The following AGXT2 variants were observed in gnomAD, a reference collection of about 807,000 sequenced individuals.
The protein encoded by AGXT2 is alanine--glyoxylate aminotransferase 2, also known as alanine--glyoxylate aminotransferase 2, mitochondrial.
AGXT2 carries 61 observed loss-of-function variants against 62.5 expected under a neutral mutation model. The ratio of observed to expected loss-of-function variants is 0.98; its 90% CI spans 0.79 to 1.21. AGXT2 has a LOEUF of 1.21. Ranked by LOEUF, AGXT2 falls within the 50% of genes most tolerant of loss-of-function variation. The pLI, the probability that AGXT2 is intolerant of heterozygous loss-of-function variation, is 0.00. For missense variants in AGXT2, 666 were observed against 641.5 expected, an observed-to-expected ratio of 1.04 and a Z score of -0.41; for synonymous variants, 243 against 218.7, an observed-to-expected ratio of 1.11 and a Z score of -0.98.
At position 35,025,326 on chromosome 5, in the gene AGXT2, G is replaced by A. The variant is rs62358265; in HGVS notation, c.963+437C>T. Among the ~76,000 whole-genome samples, 561 of 152,282 alleles carry A rather than the reference G, an allele frequency of 3.7e-3. 4 individuals are homozygous for A. Among genetic ancestry groups the A allele is most frequent in the Non-Finnish European group, 5.9e-3 (398 of 68,020 alleles). ...CAGGAGGCGGAGGTTGCGGTGAGTC[G>A]AGATTGTACCACTGTACTTCAGCCT... On this transcript the variant is annotated intron_variant, in intron 9 of 13. Coordinates refer to ENST00000231420, the MANE Select transcript of AGXT2 (RefSeq NM_031900.4).
chr5:35,032,881 A>T, intron 6 of AGXT2, 56 bp from the exon 7 acceptor site: 2 of 1,425,686 alleles, frequency 1.4e-6, no homozygotes, highest in Non-Finnish European at 1.9e-6. Context: ...CAGCCAAGTT[A>T]GGGTAGCATA....
intron 7 of AGXT2, among the ~76,000 whole-genome samples, chr5:35,027,640 G>A (rs1346865602): frequency 6.6e-6 from 1 of 151,692 alleles, no homozygotes. Context: ...GGAGTTTTGT[G>A]TATTGTATAT....
intron 13 of AGXT2, among the ~76,000 whole-genome samples, chr5:35,000,887 G>C (rs1766206261): frequency 6.6e-6 from 1 of 152,160 alleles, no homozygotes; most frequent in Admixed American, 6.6e-5. Flanking sequence ...TTACAATGAT[G>C]GGAAAGTGAT....
At position 35,026,394 on chromosome 5, in the gene AGXT2, A is replaced by T. The variant is rs1767349782; in HGVS notation, c.870+16T>A. On this transcript the variant is annotated intron_variant, in intron 8 of 13. Coordinates refer to ENST00000231420, the MANE Select transcript of AGXT2 (RefSeq NM_031900.4). ...GAAGATTCAGCTCCATTAATGTCTA[A>T]GGTTCATATACCCACTTGAATAGGT... 5 of 1,600,096 alleles carry T rather than the reference A, an allele frequency of 3.1e-6. No individual in the cohort carries two copies. In the Admixed American group the frequency reaches 5.0e-5, roughly 16 times the overall value.
Position 35,039,103 on chromosome 5 carries a change from C to A in AGXT2, c.362+221G>T, listed in dbSNP as rs1025042693. On this transcript the variant is annotated intron_variant, in intron 3 of 13. Coordinates refer to ENST00000231420, the MANE Select transcript of AGXT2 (RefSeq NM_031900.4). ...CTCCAGTCACATGGTACATGCCACACTACATGTGCCATGAGAATAACAAAA... is the reference window on the plus strand; with the variant it reads ...CTCCAGTCACATGGTACATGCCACAATACATGTGCCATGAGAATAACAAAA... Among the ~76,000 whole-genome samples, 11 of 152,086 alleles carry A rather than the reference C, an allele frequency of 7.2e-5. No individual in the cohort carries two copies. The East Asian group carries it at 2.1e-3, about 29-fold the overall frequency.
In AGXT2 at chr5:35,014,655, A is replaced by C. The variant is rs374950519; in HGVS notation, c.964-536T>G. On this transcript the variant is annotated intron_variant, in intron 9 of 13. Coordinates refer to ENST00000231420, the MANE Select transcript of AGXT2 (RefSeq NM_031900.4). ...TGTGCAATTCTGGGTATGTTTCTTA[A>C]GTCCTTGGAACCTCTGCTAACTCAT... 1.1e-4 allele frequency among the ~76,000 whole-genome samples: 17 copies of C among 152,188 alleles called. 1 individual carries two copies. The South Asian group carries it at 3.5e-3, about 32-fold the overall frequency.
In AGXT2 at chr5:35,037,080, C is replaced by T. The variant is rs368004313; in HGVS notation, c.363-15G>A. The stretch of plus-strand genomic sequence containing the variant: ...CATTCACCTTTCTGGATAAGCAGTA[C>T]AGCAGAGTTACCTGCACTGCGTGCC... On this transcript the variant is annotated splice_polypyrimidine_tract_variant and intron_variant, in intron 3 of 13. Coordinates refer to ENST00000231420, the MANE Select transcript of AGXT2 (RefSeq NM_031900.4). 6.0e-5 allele frequency: 97 copies of T among 1,613,692 alleles called. 1 individual carries two copies. In the African/African-American group the frequency reaches 1.1e-3, roughly 18 times the overall value.
chr5:34,998,732 C>A lies in AGXT2; in HGVS notation c.1532G>T (p.Arg511Ile). The A allele has an allele frequency of 6.2e-7, 1 of 1,612,482 alleles. No homozygotes were observed. The highest frequency in any genetic ancestry group is 8.5e-7 in the Non-Finnish European group (1 of 1,178,626). ...FRSALTQHME[R>I]RAK ...TTTCTGACAATGTTACTTAGCTCTTCTTTCCATGTGTTGGGTTAAGGCAGA... is the reference window on the plus strand; with the variant it reads ...TTTCTGACAATGTTACTTAGCTCTTATTTCCATGTGTTGGGTTAAGGCAGA... The change falls in exon 14 of 14, where the codon AGA (arginine) becomes ATA (isoleucine). Residue 511 changes from arginine (R) to isoleucine (I), a missense_variant. Arg to Ile is a moderately conservative substitution (Grantham distance 97). Transcript: ENST00000231420.
chr5:35,047,297 G>T (rs1343252048), intron 1 of AGXT2, among the ~76,000 whole-genome samples: 1 of 152,098 alleles, frequency 6.6e-6, no homozygotes, highest in African/African-American at 2.4e-5. Flanking sequence ...AAGAAAAATA[G>T]CTAGGCATGG....
At chr5:35,021,490 TA>T (rs1767082522) in intron 9 of AGXT2, among the ~76,000 whole-genome samples, 1 of 150,356 alleles carries the variant, frequency 6.7e-6, no homozygotes, top group African/African-American at 2.5e-5. Flanking sequence ...CCCTATTTAA[TA>T]AATGGTGCTG....
chr5:35,033,322 T>C, intron 6 of AGXT2, 138 bp downstream of exon 6: 2 of 730,974 alleles, frequency 2.7e-6, no homozygotes, highest in Admixed American at 2.0e-5. Context: ...TGGTCTCCAA[T>C]TCAATTAGGT....
In AGXT2 at chr5:35,034,842, G is replaced by A. The variant is rs572293711; in HGVS notation, c.581+380C>T. 4.1e-4 allele frequency among the ~76,000 whole-genome samples: 62 copies of A among 152,192 alleles called. 1 individual carries two copies. The highest frequency in any genetic ancestry group is 8.3e-4 in the South Asian group (4 of 4,818). On this transcript the variant is annotated intron_variant, in intron 5 of 13. Coordinates refer to ENST00000231420, the MANE Select transcript of AGXT2 (RefSeq NM_031900.4). ...TCATAAGCAGAAATTAAAATAGGCC[G>A]GTATTTTTTGGTAGAGCCTTGATCT...
At chr5:35,013,084 A>T in intron 10 of AGXT2, 39 bp from the exon 11 acceptor site, 1 of 1,508,772 alleles carries the variant, frequency 6.6e-7, no homozygotes. Context: ...AGAGGGACAC[A>T]TTCCTGTCCA....
At chr5:35,015,393 T>A (rs1766813971) in intron 9 of AGXT2, among the ~76,000 whole-genome samples, 1 of 152,192 alleles carries the variant, frequency 6.6e-6, no homozygotes, top group Admixed American at 6.5e-5. Flanking sequence ...TCCACGCACA[T>A]TTCTGCCAGA....
chr5:35,020,785 C>G (rs1437775902), intron 9 of AGXT2, among the ~76,000 whole-genome samples: 2 of 152,166 alleles, frequency 1.3e-5, no homozygotes, highest in African/African-American at 4.8e-5. Context: ...GTCAAATTGT[C>G]CCTGTTTGCA....
chr5:35,027,352 T>A (rs1767398905), intron 7 of AGXT2, among the ~76,000 whole-genome samples: 1 of 152,200 alleles, frequency 6.6e-6, no homozygotes. Flanking sequence ...GTGTCCTTGT[T>A]GAAGTGATCT....
At chr5:35,016,109 C>T (rs140922097) in intron 9 of AGXT2, among the ~76,000 whole-genome samples, 28 of 152,198 alleles carry the variant, frequency 1.8e-4, no homozygotes, top group East Asian at 5.8e-4. Context: ...GGATAATGTA[C>T]GAGGAGCTCG....
chr5:35,014,165 T>G lies in AGXT2; in HGVS notation c.964-46A>C, dbSNP rs764231772. On this transcript the variant is annotated intron_variant, in intron 9 of 13. Transcript: ENST00000231420. ...CCATTGGAAACCCTTCAAGAAATGC[T>G]GTTTTCGACAGGGCGCGGTGGCTCA... The G allele has an allele frequency of 8.7e-6, 14 of 1,612,870 alleles. 1 individual carries two copies. In the South Asian group the frequency reaches 1.5e-4, roughly 18 times the overall value.
intron 9 of AGXT2, among the ~76,000 whole-genome samples, chr5:35,020,087 T>G (rs1475979626): frequency 6.6e-6 from 1 of 152,176 alleles, no homozygotes; most frequent in African/African-American, 2.4e-5. Flanking sequence ...ATCAATAGCT[T>G]ACCAACCAAA....
Sources: gnomAD v4.1 joint callset for allele counts (sites outside exome capture counted in the v4.1 genomes callset) on GRCh38, gnomAD v4.1.1 for gene constraint, MANE v1.5 for transcripts, NCBI Gene and HGNC (gene_info 2026-07-23, HGNC 2026-07-21) for gene names.